Variants in FGFR2 observed in about 807,000 individuals in gnomAD.
FGFR2 encodes fibroblast growth factor receptor 2, also known as BEK fibroblast growth factor receptor.
FGFR2 carries 19 observed loss-of-function variants against 95.9 expected under a neutral mutation model. That is an observed-to-expected ratio of 0.20 (90% CI 0.14 to 0.29). The LOEUF (loss-of-function observed/expected upper bound fraction) is 0.29, where lower values mean the gene tolerates loss of function less well. Among genes scored for constraint, FGFR2 ranks in the 10% least tolerant of loss-of-function variants. The pLI is 1.00. For synonymous variants in FGFR2, 392 were observed against 393.3 expected, an observed-to-expected ratio of 1.00 and a Z score of 0.04; for missense variants, 707 against 1,056.9, an observed-to-expected ratio of 0.67 and a Z score of 4.59.
chr10:121,590,647 G>GAT (rs1375964501), intron 2 of FGFR2, among the ~76,000 whole-genome samples: 4 of 152,088 alleles, frequency 2.6e-5, no homozygotes, highest in African/African-American at 9.7e-5. Context: ...GAAGACAAAT[G>GAT]ATATATATGA....
At chr10:121,495,982 G>C (rs1319033517) in intron 13 of FGFR2, among the ~76,000 whole-genome samples, 2 of 152,190 alleles carry the variant, frequency 1.3e-5, no homozygotes, top group Non-Finnish European at 2.9e-5. Context: ...TCCACCTCAG[G>C]GGACCTGGCC....
chr10:121,495,352 CAAAACAA>C (rs939849159), intron 13 of FGFR2, among the ~76,000 whole-genome samples: 25 of 151,982 alleles, frequency 1.6e-4, no homozygotes, highest in African/African-American at 5.8e-4. Flanking sequence ...CCGTCTCTAC[CAAAACAA>C]AAAACAAAAA....
chr10:121,547,929 G>A (rs1276986374), intron 5 of FGFR2, among the ~76,000 whole-genome samples: 1 of 152,200 alleles, frequency 6.6e-6, no homozygotes, highest in African/African-American at 2.4e-5. Context: ...CACATCATTA[G>A]CGAAGATGAT....
At chr10:121,509,789 T>C (rs973966332) in intron 9 of FGFR2, among the ~76,000 whole-genome samples, 1 of 151,976 alleles carries the variant, frequency 6.6e-6, no homozygotes, top group Non-Finnish European at 1.5e-5. Context: ...GGTCTAACAG[T>C]GTTATCTCTT....
chr10:121,517,283 A>C lies in FGFR2; in HGVS notation c.1084+36T>G. 3 of 1,612,542 alleles carry C rather than the reference A, an allele frequency of 1.9e-6. No individual in the cohort carries two copies. The highest frequency in any genetic ancestry group is 2.5e-6 in the Non-Finnish European group (3 of 1,178,578). On this transcript the variant is annotated intron_variant, in intron 8 of 17. Transcript: ENST00000358487. This position sits in a 1 kb window ranked among gnomAD's most constrained non-coding sequence, Gnocchi z 4.7. ...AATTTTATAGCAGTCAACCAAGAAA[A>C]GGGAAAAAAACCCAGAGAGAAAGAA...
intron 2 of FGFR2, among the ~76,000 whole-genome samples, chr10:121,568,122 GAGA>G (rs1857981899): frequency 6.6e-6 from 1 of 152,140 alleles, no homozygotes; most frequent in African/African-American, 2.4e-5. Context: ...AGAGAAATAT[GAGA>G]AGGAGGAGAA....
At chr10:121,504,376 C>A (rs1026724367) in intron 9 of FGFR2, among the ~76,000 whole-genome samples, 14 of 152,122 alleles carry the variant, frequency 9.2e-5, no homozygotes, top group African/African-American at 3.4e-4. Context: ...TGAAATTCTA[C>A]GAAAACTTTT....
intron 2 of FGFR2, among the ~76,000 whole-genome samples, chr10:121,569,193 G>C (rs45631610): frequency 2.7e-5 from 4 of 148,128 alleles, no homozygotes; most frequent in Non-Finnish European, 4.4e-5. Flanking sequence ...AGAACATCTG[G>C]GTTTCTTTTT....
At chr10:121,567,562 G>A (rs751747468) in intron 2 of FGFR2, among the ~76,000 whole-genome samples, 1 of 152,224 alleles carries the variant, frequency 6.6e-6, no homozygotes, top group East Asian at 1.9e-4. Context: ...GTCCATTATG[G>A]TGGGGGTGAC....
chr10:121,521,050 C>T (rs1203522987), intron 6 of FGFR2, among the ~76,000 whole-genome samples: 2 of 152,220 alleles, frequency 1.3e-5, no homozygotes, highest in Non-Finnish European at 1.5e-5. Context: ...TAATGGGATT[C>T]ACCTCTTTAT....
intron 5 of FGFR2, among the ~76,000 whole-genome samples, chr10:121,539,859 C>G (rs889405751): frequency 6.6e-6 from 1 of 152,192 alleles, no homozygotes; most frequent in African/African-American, 2.4e-5. Flanking sequence ...AAAATCATCT[C>G]GTAACCACTC....
intron 13 of FGFR2, 24 bp from the exon 14 acceptor site, chr10:121,488,137 G>A (rs373898697): frequency 6.2e-7 from 1 of 1,610,928 alleles, no homozygotes; most frequent in African/African-American, 1.4e-5. Flanking sequence ...AGAAGCAAGA[G>A]AAATAACTAA....
intron 2 of FGFR2, among the ~76,000 whole-genome samples, chr10:121,587,413 C>T (rs987047073): frequency 6.6e-6 from 1 of 152,132 alleles, no homozygotes; most frequent in Non-Finnish European, 1.5e-5. Flanking sequence ...CAAATGGGAT[C>T]TAATTAAACT....
chr10:121,523,920 G>C (rs143574375), intron 6 of FGFR2, among the ~76,000 whole-genome samples: 171 of 152,318 alleles, frequency 1.1e-3, no homozygotes, highest in African/African-American at 3.8e-3. Context: ...GATGCCCCGT[G>C]AACAATGAGT....
rs545913487 is a variant in FGFR2, at chr10:121,488,243, A to G, written c.1864-130T>C. 467 of 1,297,976 alleles carry G rather than the reference A, an allele frequency of 3.6e-4. No individual in the cohort carries two copies. In the African/African-American group the frequency reaches 6.0e-3, roughly 17 times the overall value. The allele number at this position is 1,297,976 out of a possible 1,614,324, so 80.4% of individuals were successfully genotyped here. ...TGTTAAAAACCAGTTGCGGTATACT[A>G]TAAGAAATACAGTGTGGCCGGGTGC... On this transcript the variant is annotated intron_variant, in intron 13 of 17. Coordinates refer to ENST00000358487, the MANE Select transcript of FGFR2 (RefSeq NM_000141.5).
chr10:121,522,582 T>C (rs529774684), intron 6 of FGFR2, among the ~76,000 whole-genome samples: 6 of 152,206 alleles, frequency 3.9e-5, no homozygotes, highest in South Asian at 2.1e-4. Context: ...TTAGGTGAGA[T>C]GGTAGTTCTC....
At chr10:121,525,239 T>C (rs548715185) in intron 6 of FGFR2, among the ~76,000 whole-genome samples, 1 of 152,160 alleles carries the variant, frequency 6.6e-6, no homozygotes, top group Non-Finnish European at 1.5e-5. Flanking sequence ...TGGAACAAGA[T>C]GAGAACCTTC....
chr10:121,553,361 G>A (rs555371959), intron 4 of FGFR2, among the ~76,000 whole-genome samples: 8 of 152,226 alleles, frequency 5.3e-5, no homozygotes, highest in East Asian at 1.9e-4. Context: ...GCCCATAAAC[G>A]CACCTATTCT....
At position 121,478,747 on chromosome 10, in the gene FGFR2, T is replaced by C. The variant is rs1287859729; in HGVS notation, c.*1110A>G. On this transcript the variant is annotated 3_prime_UTR_variant, in exon 18 of 18. Coordinates refer to ENST00000358487, the MANE Select transcript of FGFR2 (RefSeq NM_000141.5). ...CCAACGCCAAAGAGTCTGGAAGCCA[T>C]TATCAAAATTCACTGAAGAGAATAC... The C allele has an allele frequency of 4.3e-6, 1 of 233,506 alleles. No homozygotes were observed. Among genetic ancestry groups the C allele is most frequent in the Non-Finnish European group, 8.5e-6 (1 of 118,000 alleles). The allele number at this position is 233,506 out of a possible 1,614,324, so 14.5% of individuals were successfully genotyped here.
Sources: allele counts gnomAD v4.1 joint callset (sites outside exome capture counted in the v4.1 genomes callset), GRCh38; gene constraint gnomAD v4.1.1; non-coding constraint Gnocchi (gnomAD v3.1); transcripts MANE v1.5; gene names NCBI Gene and HGNC (gene_info 2026-07-23, HGNC 2026-07-21).